The following UGT8 variants were observed in gnomAD, a reference collection of about 807,000 sequenced individuals.
The protein encoded by UGT8 is UDP glycosyltransferase 8, also known as 2-hydroxyacylsphingosine 1-beta-galactosyltransferase.
In UGT8, 12 loss-of-function variants were observed where a neutral mutation model predicts 40.5. The observed-to-expected ratio is 0.30, with a 90% CI of 0.19 to 0.48. The LOEUF (loss-of-function observed/expected upper bound fraction) is 0.48, where lower values mean the gene tolerates loss of function less well. UGT8 is among the 20% of genes least tolerant of loss of function. The pLI, the probability that UGT8 is intolerant of heterozygous loss-of-function variation, is 0.99. For missense variants in UGT8, 513 were observed against 648.7 expected (o/e 0.79, Z 2.27); for synonymous variants, 224 against 240.4 (o/e 0.93, Z 0.63).
chr4:114,646,237 C>T (rs1226703855), intron 2 of UGT8, among the ~76,000 whole-genome samples: 3 of 151,976 alleles, frequency 2.0e-5, no homozygotes, highest in Non-Finnish European at 2.9e-5. Flanking sequence ...ATTAAAAGAA[C>T]CCCGAATCAG....
At chr4:114,635,891 A>T (rs1444950511) in intron 2 of UGT8, among the ~76,000 whole-genome samples, 3 of 152,184 alleles carry the variant, frequency 2.0e-5, no homozygotes, top group Non-Finnish European at 4.4e-5. Flanking sequence ...TGTTACAAGA[A>T]GAGATAATGT....
chr4:114,640,561 A>T (rs947058181), intron 2 of UGT8, among the ~76,000 whole-genome samples: 1 of 152,236 alleles, frequency 6.6e-6, no homozygotes, highest in South Asian at 2.1e-4. Flanking sequence ...AAGGACCTGT[A>T]TTAGTTCGTT....
At chr4:114,614,456 AAC>A (rs971414508) in intron 1 of UGT8, among the ~76,000 whole-genome samples, 11 of 152,204 alleles carry the variant, frequency 7.2e-5, no homozygotes, top group African/African-American at 2.7e-4. Flanking sequence ...ATGGAATAGT[AAC>A]ACAATATTTT....
intron 2 of UGT8, among the ~76,000 whole-genome samples, chr4:114,647,821 C>T (rs1040875095): frequency 1.3e-5 from 2 of 152,184 alleles, no homozygotes; most frequent in Non-Finnish European, 2.9e-5. Flanking sequence ...AATTTGAACT[C>T]AGGCTGCTGG....
intron 1 of UGT8, among the ~76,000 whole-genome samples, chr4:114,600,878 A>G (rs1201475297): frequency 6.6e-6 from 1 of 152,138 alleles, no homozygotes; most frequent in Non-Finnish European, 1.5e-5. Flanking sequence ...CCAGAGAAAA[A>G]CACTCTAGTA....
chr4:114,636,502 A>AT (rs1464551098), intron 2 of UGT8, among the ~76,000 whole-genome samples: 1 of 152,194 alleles, frequency 6.6e-6, no homozygotes, highest in Non-Finnish European at 1.5e-5. Context: ...TTAGTGTTTC[A>AT]TTATAAGCAT....
chr4:114,631,257 G>A (rs1038737222), intron 2 of UGT8, among the ~76,000 whole-genome samples: 4 of 152,136 alleles, frequency 2.6e-5, no homozygotes, highest in Admixed American at 6.5e-5. Flanking sequence ...TGAGGCAGGT[G>A]GATCACCTGA....
At chr4:114,608,940 T>G (rs569642762) in intron 1 of UGT8, among the ~76,000 whole-genome samples, 55 of 152,346 alleles carry the variant, frequency 3.6e-4, no homozygotes, top group Middle Eastern at 3.4e-3. Context: ...TTATAACAAT[T>G]AAATCAAAGC....
intron 2 of UGT8, among the ~76,000 whole-genome samples, chr4:114,631,171 G>A (rs1732547290): frequency 6.6e-6 from 1 of 152,106 alleles, no homozygotes; most frequent in Admixed American, 6.6e-5. Context: ...AAAAGTAATT[G>A]TGGTTTTTGT....
At chr4:114,668,025 G>GA in intron 4 of UGT8, 60 bp from the exon 5 acceptor site, 1 of 1,569,690 alleles carries the variant, frequency 6.4e-7, no homozygotes, top group Non-Finnish European at 8.6e-7. Flanking sequence ...GAATTTCTGG[G>GA]AAAATCTCTT....
intron 1 of UGT8, among the ~76,000 whole-genome samples, chr4:114,607,056 A>T (rs983773524): frequency 1.3e-5 from 2 of 152,204 alleles, no homozygotes; most frequent in Non-Finnish European, 2.9e-5. Context: ...TTCCCCTAGT[A>T]AAGTGTTAGA....
At chr4:114,605,308 T>A (rs1308458798) in intron 1 of UGT8, among the ~76,000 whole-genome samples, 1 of 152,202 alleles carries the variant, frequency 6.6e-6, no homozygotes, top group African/African-American at 2.4e-5. Flanking sequence ...AGATACTGTT[T>A]CCTTGTAGCA....
intron 2 of UGT8, among the ~76,000 whole-genome samples, chr4:114,653,291 A>T (rs75299735): frequency 5.3e-5 from 8 of 152,138 alleles, no homozygotes; most frequent in Admixed American, 2.0e-4. Context: ...ATAGTCGTAG[A>T]ATATGACCTT....
Position 114,622,592 on chromosome 4 carries a change from G to A in UGT8, c.-2-287G>A, listed in dbSNP as rs1405606681. On this transcript the variant is annotated intron_variant, in intron 1 of 5. Coordinates refer to ENST00000310836, the MANE Select transcript of UGT8 (RefSeq NM_001128174.3). ...GTTCCTATTTCTCCACATCCTCTCC[G>A]GCACCTGTTGTTTCCTGACTTTTTA... is the stretch of plus-strand genomic sequence containing the variant. 47 of 284,038 alleles carry A rather than the reference G, an allele frequency of 1.7e-4. 1 individual carries two copies. Among genetic ancestry groups the A allele is most frequent in the South Asian group, 4.4e-4 (10 of 22,738 alleles). 17.6% of individuals were successfully genotyped at this position (284,038 alleles called of 1,614,324 possible).
rs995820543 is a variant in UGT8, at chr4:114,646,144, TAAA to T, written c.823-17850_823-17848del. On this transcript the variant is annotated intron_variant, in intron 2 of 5. Coordinates refer to ENST00000310836, the MANE Select transcript of UGT8 (RefSeq NM_001128174.3). The stretch of plus-strand genomic sequence containing the variant: ...CAAGATTTATGTCTGATATGATACT[TAAA>T]GAAGAACTTCCACAGGATTGATTAG... 1.1e-3 allele frequency among the ~76,000 whole-genome samples: 173 copies of T among 152,188 alleles called. 1 individual carries two copies. The highest frequency in any genetic ancestry group is 4.0e-3 in the African/African-American group (165 of 41,554).
chr4:114,647,762 G>C (rs1176696853), intron 2 of UGT8, among the ~76,000 whole-genome samples: 1 of 152,104 alleles, frequency 6.6e-6, no homozygotes, highest in Non-Finnish European at 1.5e-5. Context: ...GTGACTCTAG[G>C]GTACTGGAAT....
intron 2 of UGT8, among the ~76,000 whole-genome samples, chr4:114,627,210 T>TGATCAAGAA (rs1412251707): frequency 1.3e-5 from 2 of 151,876 alleles, no homozygotes; most frequent in Non-Finnish European, 2.9e-5. Flanking sequence ...AAAAATGCTT[T>TGATCAAGAA]GATCAAGAAG....
chr4:114,623,400 T>C lies in UGT8; in HGVS notation c.520T>C (p.Leu174=), dbSNP rs767762321. ...YPAEVGAPAP[L]AYVPEFNSLL... Reference sequence around the variant, plus strand: ...TGCTGAAGTGGGTGCTCCTGCTCCATTAGCATACGTCCCAGAGTTTAACTC... The same window carrying C: ...TGCTGAAGTGGGTGCTCCTGCTCCACTAGCATACGTCCCAGAGTTTAACTC... The change falls in exon 2 of 6, where the codon TTA becomes CTA. Residue 174 remains leucine (L), a synonymous_variant. Transcript: ENST00000310836. 3 of 1,614,202 alleles carry C rather than the reference T, an allele frequency of 1.9e-6. No homozygotes were observed. In the South Asian group the frequency reaches 3.3e-5, roughly 18 times the overall value.
chr4:114,622,011 A>G (rs1364876304), intron 1 of UGT8, among the ~76,000 whole-genome samples: 1 of 152,000 alleles, frequency 6.6e-6, no homozygotes, highest in Non-Finnish European at 1.5e-5. Flanking sequence ...TGTGCAGGTT[A>G]GTTACATATG....
Sources: gnomAD v4.1 joint callset for allele counts (sites outside exome capture counted in the v4.1 genomes callset) on GRCh38, gnomAD v4.1.1 for gene constraint, MANE v1.5 for transcripts, NCBI Gene and HGNC (gene_info 2026-07-23, HGNC 2026-07-21) for gene names.